The following SLC4A5 variants were observed in gnomAD, a reference collection of about 807,000 sequenced individuals.
The protein encoded by SLC4A5 is electrogenic sodium bicarbonate cotransporter 4.
In SLC4A5, 96 loss-of-function variants were observed where a neutral mutation model predicts 120.4. The ratio of observed to expected loss-of-function variants is 0.80; its 90% CI spans 0.68 to 0.94. SLC4A5 has a LOEUF of 0.94. Ranked by LOEUF, SLC4A5 falls within the 40% of genes least tolerant of loss-of-function variation. The pLI, the probability that SLC4A5 is intolerant of heterozygous loss-of-function variation, is 0.00. For synonymous variants in SLC4A5, 550 were observed against 571.1 expected, an observed-to-expected ratio of 0.96 and a Z score of 0.53; for missense variants, 1,259 against 1,459.5, an observed-to-expected ratio of 0.86 and a Z score of 2.24.
At chr2:74,248,386 A>T in exon 18 of SLC4A5, 1 of 1,614,192 alleles carries the variant, frequency 6.2e-7, no homozygotes, top group Admixed American at 1.7e-5. Flanking sequence ...CTCAAAGATG[A>T]GGATGGGCCC....
chr2:74,234,380 C>T lies in SLC4A5; in HGVS notation c.2433+721G>A, dbSNP rs529661286. The stretch of plus-strand genomic sequence containing the variant: ...ATCTGTAGTAGAGATGGGGTTTCAC[C>T]GTTACCCAAGATGGTCTCAATCTCC... On this transcript the variant is annotated intron_variant, in intron 22 of 30. Coordinates refer to ENST00000394019, the Ensembl canonical transcript of SLC4A5. 5.9e-5 allele frequency among the ~76,000 whole-genome samples: 9 copies of T among 152,230 alleles called. No individual in the cohort carries two copies. The South Asian group carries it at 1.0e-3, about 18-fold the overall frequency.
At chr2:74,308,888 T>C (rs1209865306) in intron 6 of SLC4A5, among the ~76,000 whole-genome samples, 2 of 152,070 alleles carry the variant, frequency 1.3e-5, no homozygotes, top group Admixed American at 6.5e-5. Flanking sequence ...TCTGAGATGA[T>C]TTTTTGAAAG....
intron 4 of SLC4A5, among the ~76,000 whole-genome samples, chr2:74,331,150 C>T (rs78552199): frequency 0.24 from 18,065 of 75,464 alleles, 1,409 homozygotes; most frequent in East Asian, 0.55. Flanking sequence ...TCTAGATGGA[C>T]GTGGTGAGGT....
intron 5 of SLC4A5, 55 bp from the exon 6 acceptor site, chr2:74,315,080 T>A: frequency 1.4e-6 from 2 of 1,440,108 alleles, no homozygotes; most frequent in East Asian, 4.6e-5. Flanking sequence ...AGGGTAGGAT[T>A]TCAAGGAGAA....
chr2:74,314,596 T>C (rs1292474136), intron 6 of SLC4A5, among the ~76,000 whole-genome samples: 1 of 152,230 alleles, frequency 6.6e-6, no homozygotes, highest in Non-Finnish European at 1.5e-5. Flanking sequence ...CCTCTTGCAC[T>C]GGTTTTAATT....
At position 74,256,064 on chromosome 2, in the gene SLC4A5, A is replaced by G. The variant is rs921614392; in HGVS notation, c.868-132T>C. The G allele has an allele frequency of 1.2e-5, 12 of 962,522 alleles. No individual in the cohort carries two copies. The African/African-American group carries it at 2.0e-4, about 16-fold the overall frequency. 59.6% of individuals were successfully genotyped at this position (962,522 alleles called of 1,614,324 possible). A position where few individuals can be genotyped will look rare whatever the true frequency, so the allele number is the denominator to read the frequency against. ...ATGTTGCCAAGAGACTGAAAGAATA[A>G]ATAAGTACTCCTCCGATTCTGCAGA... On this transcript the variant is annotated intron_variant, in intron 12 of 30. Coordinates refer to ENST00000394019, the Ensembl canonical transcript of SLC4A5.
intron 8 of SLC4A5, 135 bp downstream of exon 8, chr2:74,285,638 G>T: frequency 1.0e-6 from 1 of 989,524 alleles, no homozygotes; most frequent in Non-Finnish European, 1.5e-6. Flanking sequence ...TGGACACCAA[G>T]GAAGGCAGCT....
At chr2:74,284,993 G>A (rs1671936617) in intron 8 of SLC4A5, among the ~76,000 whole-genome samples, 1 of 152,084 alleles carries the variant, frequency 6.6e-6, no homozygotes, top group African/African-American at 2.4e-5. Flanking sequence ...ACCCCAGCCT[G>A]CTTGTTACTT....
chr2:74,262,340 T>A, intron 10 of SLC4A5, 108 bp from the exon 11 acceptor site: 1 of 626,992 alleles, frequency 1.6e-6, no homozygotes. Flanking sequence ...AAGACATGTC[T>A]CTTCCCCTTC....
chr2:74,248,300 C>T, intron 18 of SLC4A5, 53 bp downstream of exon 18: 3 of 1,601,198 alleles, frequency 1.9e-6, no homozygotes, highest in Non-Finnish European at 2.6e-6. Context: ...CTAGCCCCAG[C>T]ATACTGCCCC....
chr2:74,285,136 T>C (rs1259112023), intron 8 of SLC4A5, among the ~76,000 whole-genome samples: 1 of 152,140 alleles, frequency 6.6e-6, no homozygotes, highest in African/African-American at 2.4e-5. Flanking sequence ...TACCAGCTAC[T>C]TGGGAGGCTG....
intron 2 of SLC4A5, among the ~76,000 whole-genome samples, chr2:74,341,407 A>G (rs1046648882): frequency 6.6e-6 from 1 of 152,154 alleles, no homozygotes; most frequent in African/African-American, 2.4e-5. Flanking sequence ...TCAATGGAAC[A>G]GTGCACATTA....
In SLC4A5 at chr2:74,248,615, C is replaced by T. The variant is rs1670694540; in HGVS notation, c.1654-129G>A. ...TATCCTTCGTTCTGGGCCCTTTCCT[C>T]CCTAAATCCTGTTCTCCATCTCCTA... On this transcript the variant is annotated intron_variant, in intron 17 of 30. Coordinates refer to ENST00000394019, the Ensembl canonical transcript of SLC4A5. 3.6e-6 allele frequency: 4 copies of T among 1,098,858 alleles called. No individual in the cohort carries two copies. In the South Asian group the frequency reaches 4.9e-5, roughly 13 times the overall value. 68.1% of individuals were successfully genotyped at this position (1,098,858 alleles called of 1,614,324 possible).
chr2:74,264,524 GCTCTTTC>G (rs1671241758), intron 9 of SLC4A5, among the ~76,000 whole-genome samples: 1 of 151,112 alleles, frequency 6.6e-6, no homozygotes, highest in Admixed American at 6.6e-5. Flanking sequence ...GTGTGTGTCT[GCTCTTTC>G]TGTCAATGTT....
At position 74,316,512 on chromosome 2, in the gene SLC4A5, A is replaced by G. The variant is rs1333572811; in HGVS notation, c.-2-1487T>C. Reference sequence around the variant, plus strand: ...ATCATCTCCCTTTTGCAGTGTAGACATAACTGACCAGCATTTATGTTAAAA... The same window carrying G: ...ATCATCTCCCTTTTGCAGTGTAGACGTAACTGACCAGCATTTATGTTAAAA... On this transcript the variant is annotated intron_variant, in intron 5 of 30. Coordinates refer to ENST00000394019, the Ensembl canonical transcript of SLC4A5. 3.9e-5 allele frequency among the ~76,000 whole-genome samples: 6 copies of G among 152,140 alleles called. No individual in the cohort carries two copies. The East Asian group carries it at 1.2e-3, about 29-fold the overall frequency.
At chr2:74,292,456 G>A (rs995918247) in intron 7 of SLC4A5, among the ~76,000 whole-genome samples, 5 of 152,230 alleles carry the variant, frequency 3.3e-5, no homozygotes, top group African/African-American at 7.2e-5. Context: ...AATGCCCTGC[G>A]GATCCCACAT....
intron 8 of SLC4A5, among the ~76,000 whole-genome samples, chr2:74,269,551 G>A (rs1044204754): frequency 6.6e-6 from 1 of 152,068 alleles, no homozygotes; most frequent in Admixed American, 6.6e-5. Context: ...TGTTTTAGTT[G>A]AGAGGATGCT....
intron 7 of SLC4A5, among the ~76,000 whole-genome samples, chr2:74,291,330 A>G (rs1194025770): frequency 6.6e-6 from 1 of 152,202 alleles, no homozygotes; most frequent in Non-Finnish European, 1.5e-5. Context: ...CTTACTGAGT[A>G]CTTAGAATGT....
At chr2:74,309,817 G>A (rs1251052459) in intron 6 of SLC4A5, among the ~76,000 whole-genome samples, 2 of 151,642 alleles carry the variant, frequency 1.3e-5, no homozygotes, top group South Asian at 2.1e-4. Context: ...CACCACGCCC[G>A]GCTAATTTTT....
Sources: gnomAD v4.1 joint callset for allele counts (sites outside exome capture counted in the v4.1 genomes callset) on GRCh38, gnomAD v4.1.1 for gene constraint, MANE v1.5 for transcripts, NCBI Gene and HGNC (gene_info 2026-07-23, HGNC 2026-07-21) for gene names.